Variants in PTPRD observed in about 807,000 individuals in gnomAD.
The protein encoded by PTPRD is protein tyrosine phosphatase receptor type D, also known as receptor-type tyrosine-protein phosphatase delta.
A neutral mutation model predicts 214.5 loss-of-function variants in PTPRD; 34 were observed. The ratio of observed to expected loss-of-function variants is 0.16; its 90% CI spans 0.12 to 0.21. The LOEUF (loss-of-function observed/expected upper bound fraction) is 0.21, where lower values mean the gene tolerates loss of function less well. Among genes scored for constraint, PTPRD ranks in the 10% least tolerant of loss-of-function variants. The pLI, the probability that PTPRD is intolerant of heterozygous loss-of-function variation, is 1.00. For synonymous variants in PTPRD, 1,128 were observed against 845.7 expected, an observed-to-expected ratio of 1.33 and a Z score of -5.79; for missense variants, 2,545 against 2,398.7, an observed-to-expected ratio of 1.06 and a Z score of -1.27.
intron 3 of PTPRD, among the ~76,000 whole-genome samples, chr9:10,060,881 C>CTTCT: frequency 1.5e-5 from 1 of 68,410 alleles, no homozygotes; most frequent in South Asian, 4.6e-4. Context: ...TCCTTCCTTC[C>CTTCT]TTCCTTCCTT....
At chr9:10,599,334 T>G (rs1294554510) in intron 2 of PTPRD, among the ~76,000 whole-genome samples, 1 of 151,830 alleles carries the variant, frequency 6.6e-6, no homozygotes, top group Non-Finnish European at 1.5e-5. Flanking sequence ...TAATTCCACT[T>G]TGTTTCCTAT....
chr9:8,465,480 C>T lies in PTPRD; in HGVS notation c.3700G>A (p.Glu1234Lys). Reference sequence around the variant, plus strand: ...AATTAACTTACAGACTCTGCATGTTCCATTACTGCTAACACAAAGAAGACA... The same window carrying T: ...AATTAACTTACAGACTCTGCATGTTTCATTACTGCTAACACAAAGAAGACA... ...EYVFFVLAVM[E>K]HAESKMYATS... The change falls in exon 32 of 46, where the codon GAA (glutamate) becomes AAA (lysine). Residue 1234 changes from glutamate to lysine, a missense_variant. Glu to Lys is a moderately conservative substitution (Grantham distance 56). Transcript: ENST00000381196. 1 of 1,612,046 alleles carries T rather than the reference C, an allele frequency of 6.2e-7. No individual in the cohort carries two copies. Among genetic ancestry groups the T allele is most frequent in the Non-Finnish European group, 8.5e-7 (1 of 1,178,642 alleles).
chr9:10,000,002 A>G lies in PTPRD; in HGVS notation c.-472+33716T>C, dbSNP rs529881911. The stretch of plus-strand genomic sequence containing the variant: ...TAAGAGGGTCTGTGAAAGTCATGAA[A>G]AAATTTAATAATTAAAGGAAAGGAA... On this transcript the variant is annotated intron_variant, in intron 4 of 45. Transcript: ENST00000381196. 1.3e-3 allele frequency among the ~76,000 whole-genome samples: 201 copies of G among 152,318 alleles called. 3 individuals are homozygous for G. The highest frequency in any genetic ancestry group is 3.4e-3 in the Middle Eastern group (1 of 292).
At chr9:10,568,519 C>G (rs928088851) in intron 2 of PTPRD, among the ~76,000 whole-genome samples, 1 of 152,000 alleles carries the variant, frequency 6.6e-6, no homozygotes. Flanking sequence ...ATTTCTAGTT[C>G]TAGATCCCCG....
intron 3 of PTPRD, among the ~76,000 whole-genome samples, chr9:10,160,619 A>G (rs560600290): frequency 2.6e-5 from 4 of 151,976 alleles, no homozygotes; most frequent in Admixed American, 6.6e-5. Context: ...ACAGCTAACC[A>G]TTATACTAAA....
chr9:10,281,880 T>A (rs1291896081), intron 3 of PTPRD, among the ~76,000 whole-genome samples: 1 of 152,134 alleles, frequency 6.6e-6, no homozygotes, highest in Non-Finnish European at 1.5e-5. Flanking sequence ...ATTGCATTTA[T>A]CATGTAATAC....
chr9:9,667,184 T>G (rs897739551), intron 7 of PTPRD, among the ~76,000 whole-genome samples: 10 of 152,050 alleles, frequency 6.6e-5, no homozygotes, highest in Admixed American at 6.6e-5. Context: ...CCAACCAACT[T>G]TCATCCTGTT....
At chr9:10,480,516 A>C (rs2099090982) in intron 2 of PTPRD, among the ~76,000 whole-genome samples, 1 of 152,332 alleles carries the variant, frequency 6.6e-6, no homozygotes, top group South Asian at 2.1e-4. Context: ...AATAGAAAAA[A>C]AGCAAGACAT....
intron 9 of PTPRD, among the ~76,000 whole-genome samples, chr9:9,343,344 G>T (rs2047568391): frequency 6.6e-6 from 1 of 152,136 alleles, no homozygotes; most frequent in Non-Finnish European, 1.5e-5. Flanking sequence ...ACACCCAACA[G>T]TGTAAAAGTG....
At chr9:10,258,812 G>A (rs184499773) in intron 3 of PTPRD, among the ~76,000 whole-genome samples, 186 of 151,900 alleles carry the variant, frequency 1.2e-3, no homozygotes, top group African/African-American at 4.3e-3. Flanking sequence ...TTCAGAGTAG[G>A]GGAAACAACT....
At position 9,829,599 on chromosome 9, in the gene PTPRD, C is replaced by A. The variant is rs551929578; in HGVS notation, c.-367-62748G>T. 7.1e-4 allele frequency among the ~76,000 whole-genome samples: 108 copies of A among 151,862 alleles called. 1 individual carries two copies. The highest frequency in any genetic ancestry group is 4.1e-3 in the South Asian group (20 of 4,822). ...ACCTATTATTTTGATACGCAGTTAG[C>A]CACAAAATCAATGTGACATGTTTTT... On this transcript the variant is annotated intron_variant, in intron 5 of 45. Coordinates refer to ENST00000381196, the MANE Select transcript of PTPRD (RefSeq NM_002839.4).
At chr9:9,273,028 T>G (rs926947295) in intron 9 of PTPRD, among the ~76,000 whole-genome samples, 86 of 151,298 alleles carry the variant, frequency 5.7e-4, no homozygotes, top group African/African-American at 2.0e-3. Context: ...AAACACCACA[T>G]GAAAATCAAT....
intron 10 of PTPRD, among the ~76,000 whole-genome samples, chr9:9,137,398 T>A (rs550963278): frequency 1.3e-5 from 2 of 152,324 alleles, no homozygotes; most frequent in South Asian, 4.1e-4. Context: ...TGAGAAGTTG[T>A]AAAGTTACCA....
chr9:9,675,045 T>A (rs904121750), intron 7 of PTPRD, among the ~76,000 whole-genome samples: 1 of 151,902 alleles, frequency 6.6e-6, no homozygotes, highest in African/African-American at 2.4e-5. Flanking sequence ...CAAGATCATA[T>A]TCAAAATTTA....
chr9:10,518,874 A>C (rs1277846137), intron 2 of PTPRD, among the ~76,000 whole-genome samples: 1 of 151,918 alleles, frequency 6.6e-6, no homozygotes, highest in Non-Finnish European at 1.5e-5. Flanking sequence ...AAATTGTTTT[A>C]ACAGCCATTT....
intron 5 of PTPRD, among the ~76,000 whole-genome samples, chr9:9,839,837 T>TCC (rs2057840718): frequency 1.3e-5 from 2 of 152,078 alleles, no homozygotes; most frequent in Admixed American, 6.6e-5. Flanking sequence ...ATCTCTAATC[T>TCC]CCCCAATATC....
chr9:10,543,477 TATACACAC>T lies in PTPRD; in HGVS notation c.-600+68913_-600+68920del, dbSNP rs1409574658. Among the ~76,000 whole-genome samples, 8 of 141,402 alleles carry T rather than the reference TATACACAC, an allele frequency of 5.7e-5. No individual in the cohort carries two copies. In the East Asian group the frequency reaches 1.2e-3, roughly 22 times the overall value. 92.8% of individuals were successfully genotyped at this position (141,402 alleles called of 152,430 possible). On this transcript the variant is annotated intron_variant, in intron 2 of 45. Transcript: ENST00000381196. ...CAGTTTGAAGAGTTTAATATATATA[TATACACAC>T]ACACACACACACACACACACAAACA...
intron 2 of PTPRD, among the ~76,000 whole-genome samples, chr9:10,584,811 A>G (rs2073368012): frequency 1.3e-5 from 2 of 152,184 alleles, no homozygotes; most frequent in South Asian, 4.1e-4. Context: ...AAAACATAAG[A>G]AGTATCTGAC....
chr9:9,775,981 C>CAAAAAAAAAAAAAAAAAAAAAAAAAAAAA, intron 5 of PTPRD, among the ~76,000 whole-genome samples: 1 of 86,344 alleles, frequency 1.2e-5, no homozygotes, highest in South Asian at 4.2e-4. Context: ...AAAAAAAAAG[C>CAAAAAAAAAAAAAAAAAAAAAAAAAAAAA]AAATCCTTTT....
Sources: gnomAD v4.1 joint callset for allele counts (sites outside exome capture counted in the v4.1 genomes callset) on GRCh38, gnomAD v4.1.1 for gene constraint, MANE v1.5 for transcripts, NCBI Gene and HGNC (gene_info 2026-07-23, HGNC 2026-07-21) for gene names.